SLC35F3: variants seen among roughly 807,000 people sequenced by gnomAD.
SLC35F3 encodes the protein putative thiamine transporter SLC35F3.
In SLC35F3, 25 loss-of-function variants were observed where a neutral mutation model predicts 49.9. That is an observed-to-expected ratio of 0.50 (90% CI 0.37 to 0.70). SLC35F3 has a LOEUF of 0.70. Among genes scored for constraint, SLC35F3 ranks in the 30% least tolerant of loss-of-function variants. The pLI, the probability that SLC35F3 is intolerant of heterozygous loss-of-function variation, is 0.00. For synonymous variants in SLC35F3, 275 were observed against 265.4 expected, an observed-to-expected ratio of 1.04 and a Z score of -0.35; for missense variants, 525 against 639.8, an observed-to-expected ratio of 0.82 and a Z score of 1.94.
At chr1:234,055,237 C>T (rs1052092503) in intron 2 of SLC35F3, among the ~76,000 whole-genome samples, 1 of 152,148 alleles carries the variant, frequency 6.6e-6, no homozygotes, top group African/African-American at 2.4e-5. Flanking sequence ...GCCCTGCCCC[C>T]AGAGGTCTAC....
At chr1:233,968,064 A>G (rs978648605) in intron 2 of SLC35F3, among the ~76,000 whole-genome samples, 3 of 152,202 alleles carry the variant, frequency 2.0e-5, no homozygotes, top group Admixed American at 6.5e-5. Flanking sequence ...AGGGATCTGC[A>G]CAGTGGGTTC....
chr1:234,201,662 A>C (rs534153870), intron 2 of SLC35F3, among the ~76,000 whole-genome samples: 145 of 152,142 alleles, frequency 9.5e-4, no homozygotes, highest in African/African-American at 2.6e-3. Context: ...TATTTCCCAC[A>C]AATTCAGCTC....
intron 2 of SLC35F3, chr1:234,213,650 C>A (rs1395270335): frequency 6.6e-6 from 1 of 152,272 alleles, no homozygotes; most frequent in East Asian, 1.9e-4. Context: ...AGGCAAATGT[C>A]AGATCTGCAG....
At chr1:233,952,651 T>C (rs573221844) in intron 2 of SLC35F3, among the ~76,000 whole-genome samples, 2 of 152,334 alleles carry the variant, frequency 1.3e-5, no homozygotes, top group South Asian at 4.1e-4. Context: ...ACACCCCTGC[T>C]GTGGTGAACA....
intron 2 of SLC35F3, among the ~76,000 whole-genome samples, chr1:233,928,478 TCCCGCTA>T (rs1662194204): frequency 6.6e-6 from 1 of 152,176 alleles, no homozygotes; most frequent in African/African-American, 2.4e-5. Flanking sequence ...TGAGTTTGAA[TCCCGCTA>T]CCTGCTTACT....
intron 2 of SLC35F3, among the ~76,000 whole-genome samples, chr1:234,084,206 G>A (rs1237430345): frequency 7.1e-6 from 1 of 141,458 alleles, no homozygotes; most frequent in Non-Finnish European, 1.5e-5. Flanking sequence ...GGTCACTGTT[G>A]GTGATAAGGA....
Position 233,955,765 on chromosome 1 carries a change from G to GTT in SLC35F3, c.283+50023_283+50024dup, listed in dbSNP as rs551238786. Among the ~76,000 whole-genome samples, 450 of 112,874 alleles carry GTT rather than the reference G, an allele frequency of 4.0e-3. 18 individuals are homozygous for GTT. The highest frequency in any genetic ancestry group is 8.5e-3 in the African/African-American group (242 of 28,326). 74.0% of individuals were successfully genotyped at this position (112,874 alleles called of 152,430 possible). On this transcript the variant is annotated intron_variant, in intron 2 of 7. Transcript: ENST00000366618. ...TCTCTACTTGAAAATCTCACGAACT[G>GTT]TTTTTTTTTTTTTTTTTGAGACGGA...
At chr1:234,186,158 G>A (rs1478964394) in intron 2 of SLC35F3, among the ~76,000 whole-genome samples, 2 of 152,180 alleles carry the variant, frequency 1.3e-5, no homozygotes, top group Non-Finnish European at 2.9e-5. Flanking sequence ...CCAGCAGGGC[G>A]CAGATTGACT....
intron 4 of SLC35F3, among the ~76,000 whole-genome samples, chr1:234,311,227 G>A (rs759701586): frequency 2.6e-5 from 4 of 152,198 alleles, no homozygotes; most frequent in Admixed American, 6.5e-5. Context: ...CTCTTCTTCA[G>A]GAGTTCAGAG....
At chr1:233,961,714 C>A (rs1276263250) in intron 2 of SLC35F3, among the ~76,000 whole-genome samples, 1 of 152,134 alleles carries the variant, frequency 6.6e-6, no homozygotes, top group Admixed American at 6.5e-5. Context: ...CTTTGGCCTC[C>A]CAAAGTGCTA....
intron 2 of SLC35F3, among the ~76,000 whole-genome samples, chr1:233,928,622 A>G (rs1662196765): frequency 6.6e-6 from 1 of 152,178 alleles, no homozygotes; most frequent in Non-Finnish European, 1.5e-5. Flanking sequence ...CAAAGGGCTG[A>G]ATACAGTACT....
chr1:233,936,362 G>T (rs1177496194), intron 2 of SLC35F3, among the ~76,000 whole-genome samples: 1 of 152,084 alleles, frequency 6.6e-6, no homozygotes, highest in African/African-American at 2.4e-5. Flanking sequence ...GTTTTTCTAG[G>T]ATACTATCCT....
At chr1:234,001,327 C>G (rs1439218527) in intron 2 of SLC35F3, among the ~76,000 whole-genome samples, 1 of 152,188 alleles carries the variant, frequency 6.6e-6, no homozygotes, top group African/African-American at 2.4e-5. Context: ...TCTTGATCAA[C>G]AAGCAACACT....
At chr1:234,094,179 T>C (rs1445758214) in intron 2 of SLC35F3, among the ~76,000 whole-genome samples, 1 of 152,202 alleles carries the variant, frequency 6.6e-6, no homozygotes, top group Non-Finnish European at 1.5e-5. Flanking sequence ...TGATTCTCTT[T>C]CCACCAGTAA....
intron 2 of SLC35F3, among the ~76,000 whole-genome samples, chr1:233,936,550 CCT>C (rs1558183300): frequency 3.3e-5 from 5 of 151,820 alleles, no homozygotes; most frequent in Middle Eastern, 3.2e-3. Flanking sequence ...TCCTCCTCCT[CCT>C]CTTTCTTCTT....
At chr1:234,083,156 C>T (rs984390515) in intron 2 of SLC35F3, among the ~76,000 whole-genome samples, 1 of 152,112 alleles carries the variant, frequency 6.6e-6, no homozygotes, top group African/African-American at 2.4e-5. Context: ...TGGTTTGGGG[C>T]ACACAGAAGT....
intron 2 of SLC35F3, among the ~76,000 whole-genome samples, chr1:234,059,077 C>G: frequency 6.6e-6 from 1 of 152,104 alleles, no homozygotes; most frequent in Admixed American, 6.5e-5. Flanking sequence ...CTTGGTCAGT[C>G]TAGCTACTAA....
chr1:234,191,973 A>G (rs543741440), intron 2 of SLC35F3, among the ~76,000 whole-genome samples: 1 of 152,102 alleles, frequency 6.6e-6, no homozygotes, highest in African/African-American at 2.4e-5. Context: ...AAAAATTACC[A>G]ACAAAAAAAA....
At chr1:233,996,336 G>T (rs576885986) in intron 2 of SLC35F3, among the ~76,000 whole-genome samples, 5 of 152,242 alleles carry the variant, frequency 3.3e-5, no homozygotes, top group African/African-American at 1.2e-4. Context: ...CAAACACCAT[G>T]CTACTTATCT....
Sources: gnomAD v4.1 joint callset for allele counts (sites outside exome capture counted in the v4.1 genomes callset) on GRCh38, gnomAD v4.1.1 for gene constraint, MANE v1.5 for transcripts, NCBI Gene and HGNC (gene_info 2026-07-23, HGNC 2026-07-21) for gene names.